CNTNAP5: variants seen among roughly 807,000 people sequenced by gnomAD.
CNTNAP5 encodes contactin-associated protein-like 5.
A neutral mutation model predicts 150.2 loss-of-function variants in CNTNAP5; 72 were observed. The ratio of observed to expected loss-of-function variants is 0.48; its 90% CI spans 0.40 to 0.58. The LOEUF is 0.58. Ranked by LOEUF, CNTNAP5 falls within the 20% of genes least tolerant of loss-of-function variation. The pLI is 0.00. For missense variants in CNTNAP5, 1,636 were observed against 1,626.2 expected, an observed-to-expected ratio of 1.01 and a Z score of -0.10; for synonymous variants, 672 against 619.8, an observed-to-expected ratio of 1.08 and a Z score of -1.25.
At chr2:124,753,424 C>G (rs1416660390) in intron 14 of CNTNAP5, among the ~76,000 whole-genome samples, 1 of 152,142 alleles carries the variant, frequency 6.6e-6, no homozygotes, top group African/African-American at 2.4e-5. Context: ...TAGGTCAGGC[C>G]ATAGCCATGA....
At chr2:124,786,337 A>G (rs974346420) in intron 17 of CNTNAP5, among the ~76,000 whole-genome samples, 1 of 119,216 alleles carries the variant, frequency 8.4e-6, no homozygotes, top group Non-Finnish European at 1.7e-5. Flanking sequence ...AAGAAAGAGA[A>G]AGAAAGAAAG....
chr2:124,851,501 G>A (rs903314448), intron 19 of CNTNAP5, among the ~76,000 whole-genome samples: 3 of 152,200 alleles, frequency 2.0e-5, no homozygotes, highest in Admixed American at 6.5e-5. Context: ...TGATAACGAT[G>A]AGAAGGAAAG....
At chr2:124,180,498 A>G (rs1015106659) in intron 1 of CNTNAP5, among the ~76,000 whole-genome samples, 38 of 152,324 alleles carry the variant, frequency 2.5e-4, no homozygotes, top group African/African-American at 9.1e-4. Flanking sequence ...GAATATACAT[A>G]TAAATGCTAG....
chr2:124,695,054 T>C (rs1679378069), intron 13 of CNTNAP5, among the ~76,000 whole-genome samples: 1 of 152,044 alleles, frequency 6.6e-6, no homozygotes. Flanking sequence ...ATGACACACT[T>C]TTAAGTTTAA....
intron 19 of CNTNAP5, among the ~76,000 whole-genome samples, chr2:124,864,677 G>A (rs1360973106): frequency 6.6e-6 from 1 of 151,988 alleles, no homozygotes; most frequent in Non-Finnish European, 1.5e-5. Flanking sequence ...TGTAAGAAAT[G>A]CTGACTGAGA....
Position 124,527,469 on chromosome 2 carries a change from T to C in CNTNAP5, c.1649+13T>C, listed in dbSNP as rs750464429. On this transcript the variant is annotated intron_variant, in intron 10 of 23. Transcript: ENST00000682447. ...GCATCAAAGACAGGTAATTATTGTC[T>C]CTTCTCCTCTGTTCTGCCACCCCCT... 6.2e-7 allele frequency: 1 copy of C among 1,600,808 alleles called. No homozygotes were observed. The highest frequency in any genetic ancestry group is 8.5e-7 in the Non-Finnish European group (1 of 1,171,696).
At chr2:124,416,914 A>G (rs1691931423) in intron 3 of CNTNAP5, among the ~76,000 whole-genome samples, 1 of 150,034 alleles carries the variant, frequency 6.7e-6, no homozygotes, top group South Asian at 2.1e-4. Flanking sequence ...TGCTTTATTC[A>G]TAAAATGTTT....
At chr2:124,559,245 A>C (rs973231293) in intron 10 of CNTNAP5, among the ~76,000 whole-genome samples, 1 of 152,206 alleles carries the variant, frequency 6.6e-6, no homozygotes, top group Non-Finnish European at 1.5e-5. Context: ...AACATTATAA[A>C]GACTTTTAAC....
chr2:124,165,094 T>C (rs888726017), intron 1 of CNTNAP5, among the ~76,000 whole-genome samples: 3 of 152,192 alleles, frequency 2.0e-5, no homozygotes, highest in Non-Finnish European at 4.4e-5. Context: ...CTGTGAAGTG[T>C]GGACACTGTT....
intron 13 of CNTNAP5, among the ~76,000 whole-genome samples, chr2:124,662,057 T>C (rs1678604098): frequency 6.6e-6 from 1 of 152,160 alleles, no homozygotes; most frequent in African/African-American, 2.4e-5. Flanking sequence ...TGTGTCCATG[T>C]GTTCTCATTG....
At chr2:124,650,262 C>A (rs1678293577) in intron 13 of CNTNAP5, among the ~76,000 whole-genome samples, 1 of 152,180 alleles carries the variant, frequency 6.6e-6, no homozygotes, top group African/African-American at 2.4e-5. Context: ...CCACTTCATC[C>A]TCTTGGCTTC....
intron 13 of CNTNAP5, among the ~76,000 whole-genome samples, chr2:124,741,407 T>C (rs1376133475): frequency 6.6e-6 from 1 of 152,164 alleles, no homozygotes; most frequent in Non-Finnish European, 1.5e-5. Context: ...AAACTTTAAT[T>C]GAAACAATTG....
intron 12 of CNTNAP5, among the ~76,000 whole-genome samples, chr2:124,640,434 A>T (rs2105019096): frequency 6.6e-6 from 1 of 152,294 alleles, no homozygotes; most frequent in South Asian, 2.1e-4. Context: ...GCACTAATGC[A>T]GAGCGCATGG....
chr2:124,165,967 C>T (rs1319410370), intron 1 of CNTNAP5, among the ~76,000 whole-genome samples: 2 of 152,138 alleles, frequency 1.3e-5, no homozygotes, highest in African/African-American at 2.4e-5. Flanking sequence ...ACACCCAGCC[C>T]GCTCATTCAT....
At chr2:124,357,601 A>C (rs1359729446) in intron 3 of CNTNAP5, among the ~76,000 whole-genome samples, 1 of 148,574 alleles carries the variant, frequency 6.7e-6, no homozygotes, top group Admixed American at 6.7e-5. Flanking sequence ...AGGTTTGTCA[A>C]AGATCAGATA....
chr2:124,803,802 G>C (rs1682023037), intron 19 of CNTNAP5, among the ~76,000 whole-genome samples: 1 of 152,088 alleles, frequency 6.6e-6, no homozygotes. Flanking sequence ...CACAAAACTC[G>C]GCAGTGGCTA....
chr2:124,285,804 AAAAC>A (rs575308514), intron 3 of CNTNAP5, among the ~76,000 whole-genome samples: 27 of 152,062 alleles, frequency 1.8e-4, no homozygotes, highest in East Asian at 3.9e-4. Context: ...CTTGTCTTGA[AAAAC>A]AAACAAACAA....
At chr2:124,532,375 G>A (rs572773419) in intron 10 of CNTNAP5, among the ~76,000 whole-genome samples, 4 of 152,306 alleles carry the variant, frequency 2.6e-5, no homozygotes, top group Middle Eastern at 3.4e-3. Context: ...TCTGAGTGGA[G>A]TAAGGTGAGC....
chr2:124,487,328 A>G (rs1693908993), intron 7 of CNTNAP5, among the ~76,000 whole-genome samples: 1 of 152,200 alleles, frequency 6.6e-6, no homozygotes, highest in South Asian at 2.1e-4. Flanking sequence ...GTCTTCAAGA[A>G]TGTGACTCTG....
Sources: gnomAD v4.1 joint callset for allele counts (sites outside exome capture counted in the v4.1 genomes callset) on GRCh38, gnomAD v4.1.1 for gene constraint, MANE v1.5 for transcripts, NCBI Gene and HGNC (gene_info 2026-07-23, HGNC 2026-07-21) for gene names.